The following DAP variants were observed in gnomAD, a reference collection of about 807,000 sequenced individuals.
DAP encodes the protein death associated protein.
Under a neutral mutation model 13.8 loss-of-function variants are expected in DAP, and 8 were observed. That is an observed-to-expected ratio of 0.58 (90% confidence interval 0.34 to 1.05). The LOEUF (loss-of-function observed/expected upper bound fraction) is 1.05, where lower values mean the gene tolerates loss of function less well. Among genes scored for constraint, DAP ranks in the 50% least tolerant of loss-of-function variants. DAP has a pLI of 0.03. For synonymous variants in DAP, 47 were observed against 47.5 expected (o/e 0.99, Z 0.04); for missense variants, 106 against 133.2 (o/e 0.80, Z 1.01).
intron 1 of DAP, 149 bp from the exon 2 acceptor site, chr5:10,748,420 G>A: frequency 1.6e-6 from 1 of 643,744 alleles, no homozygotes; most frequent in South Asian, 1.8e-5. Flanking sequence ...GGAAGGTCAG[G>A]GTTGTCGGGG....
At chr5:10,747,428 A>T (rs940041279) in intron 2 of DAP, among the ~76,000 whole-genome samples, 41 of 152,346 alleles carry the variant, frequency 2.7e-4, no homozygotes, top group African/African-American at 8.7e-4. Flanking sequence ...GTATCATATA[A>T]GGACACCCAG....
At chr5:10,716,190 AC>A (rs1317796396) in intron 2 of DAP, among the ~76,000 whole-genome samples, 1 of 152,218 alleles carries the variant, frequency 6.6e-6, no homozygotes, top group African/African-American at 2.4e-5. Flanking sequence ...CGGTGAAGAA[AC>A]AGCGGGCAGA....
intron 2 of DAP, among the ~76,000 whole-genome samples, chr5:10,689,965 GAAC>G (rs1162234073): frequency 5.3e-5 from 8 of 152,206 alleles, no homozygotes; most frequent in Non-Finnish European, 8.8e-5. Flanking sequence ...ACCTGGGGAA[GAAC>G]AACATGAAGG....
At chr5:10,748,111 T>C (rs1739957204) in intron 2 of DAP, 64 bp downstream of exon 2, 1 of 1,118,404 alleles carries the variant, frequency 8.9e-7, no homozygotes, top group African/African-American at 1.5e-5. Flanking sequence ...AGAGAACAAA[T>C]GTTAATGCTT....
intron 2 of DAP, among the ~76,000 whole-genome samples, chr5:10,740,647 T>C (rs1048898647): frequency 1.3e-5 from 2 of 152,190 alleles, no homozygotes; most frequent in Non-Finnish European, 2.9e-5. Flanking sequence ...GTTTAACACA[T>C]TGAAAGAAAA....
intron 2 of DAP, among the ~76,000 whole-genome samples, chr5:10,709,325 C>T (rs561204439): frequency 1.3e-5 from 2 of 152,246 alleles, no homozygotes; most frequent in South Asian, 2.1e-4. Context: ...AATAAAAGTC[C>T]GACTATGCGA....
chr5:10,714,768 T>C (rs958175131), intron 2 of DAP, among the ~76,000 whole-genome samples: 1 of 152,122 alleles, frequency 6.6e-6, no homozygotes, highest in East Asian at 1.9e-4. Context: ...GTCCTCACAG[T>C]TGTGAGTGAG....
rs77179193 is a variant in DAP at position 10,726,722 on chromosome 5, T to A, written c.152+21453A>T. ...AGGTTTTATGTCACTTGTCAGCTAA[T>A]ACGTCAGCCTGCCACTGTGTGTGCA... On this transcript the variant is annotated intron_variant, in intron 2 of 3. Transcript: ENST00000230895. 3.2e-3 allele frequency among the ~76,000 whole-genome samples: 487 copies of A among 152,292 alleles called. 1 individual carries two copies. Among genetic ancestry groups the A allele is most frequent in the African/African-American group, 0.011 (443 of 41,544 alleles).
At chr5:10,720,689 T>C (rs1234438417) in intron 2 of DAP, among the ~76,000 whole-genome samples, 1 of 152,210 alleles carries the variant, frequency 6.6e-6, no homozygotes, top group Non-Finnish European at 1.5e-5. Flanking sequence ...GAGTGCCCAA[T>C]TTGCCAGCAG....
Position 10,681,108 on chromosome 5 carries a change from A to G in DAP, c.257T>C (p.Met86Thr). ...QVAHQKPHAS[M>T]DKHPSPRTQH... ...GGTTCTTGGGGAAGGATGCTTGTCC[A>G]TGGAGGCATGCGGCTTCTGGTGAGC... Residue 86 changes from methionine to threonine, a missense_variant, in exon 4 of 4, where the codon ATG becomes ACG. Physicochemically the swap from Met to Thr is moderately conservative, Grantham distance 81 (BLOSUM62 -1). Coordinates refer to ENST00000230895, the MANE Select transcript of DAP (RefSeq NM_004394.3). 3 of 1,581,614 alleles carry G rather than the reference A, an allele frequency of 1.9e-6. No individual in the cohort carries two copies. The highest frequency in any genetic ancestry group is 2.6e-6 in the Non-Finnish European group (3 of 1,163,768).
intron 2 of DAP, among the ~76,000 whole-genome samples, chr5:10,684,608 A>C (rs1250795311): frequency 6.6e-6 from 1 of 152,194 alleles, no homozygotes; most frequent in African/African-American, 2.4e-5. Context: ...TTGTCTTCTT[A>C]TTAACTTTTT....
intron 2 of DAP, among the ~76,000 whole-genome samples, chr5:10,690,459 T>G (rs891569757): frequency 6.6e-6 from 1 of 152,222 alleles, no homozygotes; most frequent in Admixed American, 6.5e-5. Context: ...CTGTCCCCAT[T>G]AAACACTAGC....
At chr5:10,692,439 TG>T (rs1432727653) in intron 2 of DAP, among the ~76,000 whole-genome samples, 3 of 152,124 alleles carry the variant, frequency 2.0e-5, no homozygotes, top group Admixed American at 6.6e-5. Context: ...GGGCCTTCAG[TG>T]GGGGCCGCCT....
chr5:10,705,272 A>G (rs1738670135), intron 2 of DAP, among the ~76,000 whole-genome samples: 1 of 152,222 alleles, frequency 6.6e-6, no homozygotes, highest in African/African-American at 2.4e-5. Flanking sequence ...CTGAGTTGCA[A>G]TTGTGTTCCA....
intron 2 of DAP, among the ~76,000 whole-genome samples, chr5:10,705,116 T>A (rs983656440): frequency 1.3e-5 from 2 of 152,178 alleles, no homozygotes; most frequent in Non-Finnish European, 2.9e-5. Context: ...GTAATGGGGC[T>A]CTGAGTCATC....
intron 2 of DAP, among the ~76,000 whole-genome samples, chr5:10,684,822 C>T (rs1446896972): frequency 6.6e-6 from 1 of 152,062 alleles, no homozygotes; most frequent in Non-Finnish European, 1.5e-5. Flanking sequence ...GTACAGACAC[C>T]CAAGACCTGG....
intron 2 of DAP, among the ~76,000 whole-genome samples, chr5:10,736,588 T>C (rs1227257288): frequency 6.6e-6 from 1 of 152,196 alleles, no homozygotes; most frequent in Non-Finnish European, 1.5e-5. Flanking sequence ...CCGCCCAAGT[T>C]GCCACAGGCA....
At chr5:10,698,430 T>C (rs1738485415) in intron 2 of DAP, among the ~76,000 whole-genome samples, 2 of 152,114 alleles carry the variant, frequency 1.3e-5, no homozygotes, top group Non-Finnish European at 2.9e-5. Flanking sequence ...CCCACGTTTA[T>C]AGCAAACACC....
chr5:10,746,886 G>A (rs1245093301), intron 2 of DAP, among the ~76,000 whole-genome samples: 2 of 152,142 alleles, frequency 1.3e-5, no homozygotes, highest in Non-Finnish European at 2.9e-5. Context: ...TTCCTCATGT[G>A]GGTGCCTACT....
Sources: allele counts gnomAD v4.1 joint callset (sites outside exome capture counted in the v4.1 genomes callset), GRCh38; gene constraint gnomAD v4.1.1; transcripts MANE v1.5; gene names NCBI Gene and HGNC (gene_info 2026-07-23, HGNC 2026-07-21).